The following NDC80 variants were observed in gnomAD, a reference collection of about 807,000 sequenced individuals.
The protein encoded by NDC80 is kinetochore protein NDC80 homolog.
NDC80 carries 69 observed loss-of-function variants against 89.3 expected under a neutral mutation model. The observed-to-expected ratio is 0.77, with a 90% CI of 0.64 to 0.94. The LOEUF (loss-of-function observed/expected upper bound fraction) is 0.94. Ranked by LOEUF, NDC80 falls within the 40% of genes least tolerant of loss-of-function variation. The pLI is 0.00. For synonymous variants in NDC80, 243 were observed against 255.6 expected (o/e 0.95, Z 0.47); for missense variants, 593 against 739.6 (o/e 0.80, Z 2.30).
chr18:2,612,889 G>A (rs1199114813), intron 16 of NDC80, among the ~76,000 whole-genome samples: 1 of 152,180 alleles, frequency 6.6e-6, no homozygotes. Flanking sequence ...ACCATAGAAA[G>A]TCAAACGAGT....
intron 16 of NDC80, 102 bp from the exon 17 acceptor site, chr18:2,616,335 T>C: frequency 1.2e-6 from 1 of 859,566 alleles, no homozygotes; most frequent in Non-Finnish European, 1.7e-6. Context: ...CTTTTTATTC[T>C]TAACTTAAAA....
Position 2,577,643 on chromosome 18 carries a change from A to T in NDC80, c.180-103A>T. 4 of 1,226,788 alleles carry T rather than the reference A, an allele frequency of 3.3e-6. No individual in the cohort carries two copies. In the East Asian group the frequency reaches 9.3e-5, roughly 29 times the overall value. The allele number at this position is 1,226,788 out of a possible 1,614,324, so 76.0% of individuals were successfully genotyped here. On this transcript the variant is annotated intron_variant, in intron 3 of 16. Transcript: ENST00000261597. ...GAATTCTGTTTAGTTATAAGAACGTAATGTTTGATGTTGATGTTAAAATGC... is the reference window on the plus strand; with the variant it reads ...GAATTCTGTTTAGTTATAAGAACGTTATGTTTGATGTTGATGTTAAAATGC...
intron 12 of NDC80, among the ~76,000 whole-genome samples, chr18:2,600,040 A>C (rs975058193): frequency 6.6e-6 from 1 of 152,232 alleles, no homozygotes; most frequent in Non-Finnish European, 1.5e-5. Context: ...TACATCCAGT[A>C]AACATTTAGT....
chr18:2,573,056 T>C lies in NDC80; in HGVS notation c.71T>C (p.Val24Ala). The stretch of plus-strand genomic sequence containing the variant: ...ATGCAGGAGTTAAGATCCCAGGATG[T>C]AAATAAACAAGGCCTCTATACCCCT... The part of the protein sequence containing the change: ...LSMQELRSQD[V>A]NKQGLYTPQT... Residue 24 changes from valine (V) to alanine (A), a missense_variant, in exon 2 of 17, where the codon GTA becomes GCA. Transcript: ENST00000261597. 6.2e-7 allele frequency: 1 copy of C among 1,614,136 alleles called. No individual in the cohort carries two copies. Among genetic ancestry groups the C allele is most frequent in the Non-Finnish European group, 8.5e-7 (1 of 1,180,004 alleles).
intron 10 of NDC80, among the ~76,000 whole-genome samples, chr18:2,592,896 A>G (rs1454911665): frequency 2.0e-5 from 3 of 152,004 alleles, no homozygotes; most frequent in Non-Finnish European, 4.4e-5. Flanking sequence ...ATCATGTTCA[A>G]TATAGGCCAT....
At chr18:2,594,667 T>G (rs914943893) in intron 10 of NDC80, 4 of 153,270 alleles carry the variant, frequency 2.6e-5, no homozygotes, top group African/African-American at 9.6e-5. Flanking sequence ...CTGTTTTTTC[T>G]GTAACAAGAA....
Position 2,614,641 on chromosome 18 carries a change from G to GAAAGAAAGA in NDC80, c.1792-1793_1792-1785dup, listed in dbSNP as rs2072774121. On this transcript the variant is annotated intron_variant, in intron 16 of 16. Coordinates refer to ENST00000261597, the MANE Select transcript of NDC80 (RefSeq NM_006101.3). Reference sequence around the variant, plus strand: ...AGAAAGAAAGAAAGAAAGAAAGAAAGAAAGAAAGAAAGAAATAAATTTGGC... The same window carrying GAAAGAAAGA: ...AGAAAGAAAGAAAGAAAGAAAGAAAGAAAGAAAGAAAAGAAAGAAAGAAATAAATTTGGC... Among the ~76,000 whole-genome samples, 2 of 77,516 alleles carry GAAAGAAAGA rather than the reference G, an allele frequency of 2.6e-5. 1 individual carries two copies. The highest frequency in any genetic ancestry group is 5.0e-5 in the Non-Finnish European group (2 of 40,032). The allele number at this position is 77,516 out of a possible 152,430, so 50.9% of individuals were successfully genotyped here.
intron 12 of NDC80, among the ~76,000 whole-genome samples, 183 bp from the exon 13 acceptor site, chr18:2,601,213 A>T (rs1238521086): frequency 1.3e-5 from 2 of 152,220 alleles, no homozygotes; most frequent in Non-Finnish European, 2.9e-5. Context: ...GTTATAGTCT[A>T]CACTTACAGA....
At chr18:2,575,155 T>C in intron 3 of NDC80, 89 bp downstream of exon 3, 2 of 916,304 alleles carry the variant, frequency 2.2e-6, no homozygotes, top group East Asian at 2.6e-5. Context: ...GATGACATGG[T>C]TCCTTTCGAG....
intron 3 of NDC80, 89 bp from the exon 4 acceptor site, chr18:2,577,657 A>G: frequency 7.2e-7 from 1 of 1,385,050 alleles, no homozygotes; most frequent in Non-Finnish European, 1.0e-6. Context: ...TTTGATGTTG[A>G]TGTTAAAATG....
At chr18:2,598,049 A>G (rs1230271541) in intron 11 of NDC80, among the ~76,000 whole-genome samples, 1 of 152,262 alleles carries the variant, frequency 6.6e-6, no homozygotes, top group Non-Finnish European at 1.5e-5. Context: ...TACATTACCA[A>G]TTTAGCCAAC....
chr18:2,616,372 A>T, intron 16 of NDC80, 65 bp from the exon 17 acceptor site: 1 of 1,155,746 alleles, frequency 8.7e-7, no homozygotes, highest in Non-Finnish European at 1.2e-6. Flanking sequence ...TGTAAATTTT[A>T]CAATTAAACA....
chr18:2,601,374 C>T (rs1279265155), intron 12 of NDC80, 22 bp from the exon 13 acceptor site: 2 of 1,196,864 alleles, frequency 1.7e-6, no homozygotes, highest in African/African-American at 1.5e-5. Flanking sequence ...ATATGTCACC[C>T]ACATTCCTAT....
At chr18:2,595,701 T>C in intron 11 of NDC80, 80 bp downstream of exon 11, 1 of 1,220,152 alleles carries the variant, frequency 8.2e-7, no homozygotes, top group Non-Finnish European at 1.2e-6. Flanking sequence ...AAGAAGTCAG[T>C]GGGTAGAGTA....
chr18:2,612,299 T>A (rs1272791932), intron 16 of NDC80, among the ~76,000 whole-genome samples: 4 of 131,680 alleles, frequency 3.0e-5, no homozygotes, highest in Non-Finnish European at 6.5e-5. Flanking sequence ...TTTTTTTTTT[T>A]TTTTTTTTTT....
intron 13 of NDC80, among the ~76,000 whole-genome samples, chr18:2,605,483 AC>A (rs1417301665): frequency 1.3e-5 from 2 of 152,176 alleles, no homozygotes; most frequent in African/African-American, 4.8e-5. Context: ...AGTTCTGGTT[AC>A]TTGAGTATCT....
In NDC80 at chr18:2,577,787, T is replaced by G; in HGVS notation, c.221T>G (p.Phe74Cys). Residue 74 changes from phenylalanine (F) to cysteine (C), a missense_variant, in exon 4 of 17, where the codon TTT becomes TGT. By Grantham distance (205) the Phe-to-Cys change is radical. Coordinates refer to ENST00000261597, the MANE Select transcript of NDC80 (RefSeq NM_006101.3). ...HGSRNSQLGIFSSSEKIKDPR... is the reference protein window; with the variant it reads ...HGSRNSQLGICSSSEKIKDPR... Reference sequence around the variant, plus strand: ...TCCCGGAATAGTCAACTTGGTATATTTTCCAGTTCTGAGAAAATCAAGGAC... The same window carrying G: ...TCCCGGAATAGTCAACTTGGTATATGTTCCAGTTCTGAGAAAATCAAGGAC... 6.2e-7 allele frequency: 1 copy of G among 1,614,126 alleles called. No homozygotes were observed. Among genetic ancestry groups the G allele is most frequent in the Middle Eastern group, 1.7e-4 (1 of 6,058 alleles).
intron 11 of NDC80, among the ~76,000 whole-genome samples, chr18:2,597,181 TA>T (rs1173824530): frequency 1.3e-5 from 2 of 151,200 alleles, no homozygotes; most frequent in African/African-American, 4.9e-5. Context: ...ATAATAATAA[TA>T]AAAAATAAGT....
At chr18:2,616,090 A>G (rs368075245) in intron 16 of NDC80, among the ~76,000 whole-genome samples, 304 of 152,192 alleles carry the variant, frequency 2.0e-3, no homozygotes, top group African/African-American at 6.9e-3. Context: ...CAGTGGTCCA[A>G]TCTTGGCTCA....
Sources: allele counts gnomAD v4.1 joint callset (sites outside exome capture counted in the v4.1 genomes callset), GRCh38; gene constraint gnomAD v4.1.1; transcripts MANE v1.5; gene names NCBI Gene and HGNC (gene_info 2026-07-23, HGNC 2026-07-21).